Variants in CEP112 observed in about 807,000 individuals in gnomAD.
CEP112 encodes centrosomal protein of 112 kDa.
Under a neutral mutation model 153.0 loss-of-function variants are expected in CEP112, and 127 were observed. The observed-to-expected ratio is 0.83, with a 90% CI of 0.72 to 0.96. The LOEUF (loss-of-function observed/expected upper bound fraction) is 0.96. Ranked by LOEUF, CEP112 falls within the 40% of genes least tolerant of loss-of-function variation. CEP112 has a pLI of 0.00. For synonymous variants in CEP112, 358 were observed against 374.4 expected (o/e 0.96, Z 0.51); for missense variants, 1,089 against 1,101.2 (o/e 0.99, Z 0.16).
chr17:65,982,752 TTATACATAAATATTCA>T (rs1326626541), intron 17 of CEP112, among the ~76,000 whole-genome samples: 1 of 152,180 alleles, frequency 6.6e-6, no homozygotes, highest in Non-Finnish European at 1.5e-5. Flanking sequence ...AAGCGAGTAA[TTATACATAAATATTCA>T]TAGCAGCACT....
chr17:65,891,100 T>C (rs1281213530), intron 20 of CEP112, among the ~76,000 whole-genome samples: 1 of 152,124 alleles, frequency 6.6e-6, no homozygotes, highest in East Asian at 1.9e-4. Context: ...GCCTGGCTCA[T>C]AGTAGGAGCT....
chr17:65,930,046 G>T (rs1349830858), intron 18 of CEP112, among the ~76,000 whole-genome samples: 4 of 152,100 alleles, frequency 2.6e-5, no homozygotes, highest in Non-Finnish European at 5.9e-5. Flanking sequence ...TATAACTTAA[G>T]ACAATATTTT....
chr17:66,130,937 G>A (rs2070133912), intron 5 of CEP112, among the ~76,000 whole-genome samples: 1 of 152,066 alleles, frequency 6.6e-6, no homozygotes, highest in Non-Finnish European at 1.5e-5. Flanking sequence ...TCTGTACCCA[G>A]AAATTGACAA....
intron 6 of CEP112, among the ~76,000 whole-genome samples, chr17:66,122,784 C>A (rs1400145232): frequency 6.6e-6 from 1 of 152,156 alleles, no homozygotes; most frequent in African/African-American, 2.4e-5. Flanking sequence ...CTGAGGTAGT[C>A]TCTGAGGATT....
chr17:65,830,258 G>C (rs868605793), intron 21 of CEP112, among the ~76,000 whole-genome samples: 70 of 152,310 alleles, frequency 4.6e-4, no homozygotes, highest in African/African-American at 1.6e-3. Flanking sequence ...TTGGAGGAAA[G>C]CAGAGAAACT....
intron 19 of CEP112, among the ~76,000 whole-genome samples, chr17:65,916,980 C>A (rs1290610629): frequency 6.6e-6 from 1 of 152,166 alleles, no homozygotes; most frequent in African/African-American, 2.4e-5. Context: ...AATATCAGCA[C>A]CCTTTCTATG....
chr17:65,976,105 G>A (rs1236184461), intron 17 of CEP112, among the ~76,000 whole-genome samples: 1 of 152,244 alleles, frequency 6.6e-6, no homozygotes, highest in Admixed American at 6.5e-5. Context: ...AAGCAAGTGT[G>A]AACACAGTGT....
intron 14 of CEP112, 138 bp from the exon 15 acceptor site, chr17:66,028,543 A>G (rs924703362): frequency 2.3e-6 from 1 of 428,022 alleles, no homozygotes; most frequent in Non-Finnish European, 4.1e-6. Context: ...TGAATGAAAA[A>G]TGTTTTTAAA....
chr17:65,805,867 CCTT>C (rs2055568981), intron 21 of CEP112, among the ~76,000 whole-genome samples: 1 of 152,268 alleles, frequency 6.6e-6, no homozygotes, highest in East Asian at 1.9e-4. Context: ...TATGGAAACA[CCTT>C]CATTCTCTTT....
chr17:65,964,671 A>T (rs1232911322), intron 17 of CEP112, among the ~76,000 whole-genome samples: 1 of 148,706 alleles, frequency 6.7e-6, no homozygotes, highest in Non-Finnish European at 1.5e-5. Context: ...TCTGAGAGCA[A>T]GCTCAGAGGG....
At chr17:66,063,134 G>T in intron 10 of CEP112, 53 bp from the exon 11 acceptor site, 1 of 827,322 alleles carries the variant, frequency 1.2e-6, no homozygotes. Context: ...CATAGAGTTT[G>T]ATGATATAAA....
At chr17:65,841,724 A>G (rs1249483841) in intron 21 of CEP112, among the ~76,000 whole-genome samples, 2 of 152,068 alleles carry the variant, frequency 1.3e-5, no homozygotes, top group Non-Finnish European at 2.9e-5. Flanking sequence ...TGATCACAAC[A>G]CTTTGCAAGA....
intron 20 of CEP112, among the ~76,000 whole-genome samples, chr17:65,864,092 GA>G (rs1481608112): frequency 2.0e-5 from 3 of 148,878 alleles, no homozygotes; most frequent in Non-Finnish European, 4.4e-5. Context: ...AGTGAGCCAA[GA>G]TTGCGCCACT....
At chr17:65,784,252 A>G (rs925241772) in intron 21 of CEP112, among the ~76,000 whole-genome samples, 1 of 152,244 alleles carries the variant, frequency 6.6e-6, no homozygotes, top group Non-Finnish European at 1.5e-5. Flanking sequence ...TGCATGGTCT[A>G]AAGTGGAAAC....
chr17:66,142,216 G>T (rs2070732034), intron 4 of CEP112, among the ~76,000 whole-genome samples: 1 of 152,062 alleles, frequency 6.6e-6, no homozygotes, highest in Non-Finnish European at 1.5e-5. Flanking sequence ...GGGTTGTTTT[G>T]GGGCAGTTGA....
chr17:66,155,399 A>C (rs1325754580), intron 4 of CEP112, among the ~76,000 whole-genome samples: 2 of 152,062 alleles, frequency 1.3e-5, no homozygotes, highest in African/African-American at 4.8e-5. Flanking sequence ...CAACCCACAG[A>C]CCAGGAGATT....
At chr17:66,160,378 T>C (rs548796485) in intron 4 of CEP112, among the ~76,000 whole-genome samples, 5 of 152,266 alleles carry the variant, frequency 3.3e-5, no homozygotes, top group Non-Finnish European at 7.4e-5. Context: ...AGAGCCCACA[T>C]AGCCAAGACA....
intron 21 of CEP112, among the ~76,000 whole-genome samples, chr17:65,834,810 C>T (rs1598733117): frequency 6.6e-6 from 1 of 152,108 alleles, no homozygotes. Flanking sequence ...GAGTTGAAAA[C>T]AGAACTACCA....
Position 66,078,627 on chromosome 17 carries a change from T to C in CEP112, c.769-8626A>G, listed in dbSNP as rs139876005. Among the ~76,000 whole-genome samples the C allele has an allele frequency of 4.1e-3, 632 of 152,312 alleles. 6 individuals are homozygous for C. Among genetic ancestry groups the C allele is most frequent in the African/African-American group, 0.015 (606 of 41,578 alleles). Reference sequence around the variant, plus strand: ...GTTAGTATTGAAATGTGAGGTACCATTGCATTCATCATGCTCTTTGTTGCC... The same window carrying C: ...GTTAGTATTGAAATGTGAGGTACCACTGCATTCATCATGCTCTTTGTTGCC... On this transcript the variant is annotated intron_variant, in intron 8 of 26. Coordinates refer to ENST00000535342, the MANE Select transcript of CEP112 (RefSeq NM_001199165.4).
Sources: gnomAD v4.1 joint callset for allele counts (sites outside exome capture counted in the v4.1 genomes callset) on GRCh38, gnomAD v4.1.1 for gene constraint, MANE v1.5 for transcripts, NCBI Gene and HGNC (gene_info 2026-07-23, HGNC 2026-07-21) for gene names.